ATP6V0A1: variants seen among roughly 807,000 people sequenced by gnomAD.
The protein encoded by ATP6V0A1 is ATPase H+ transporting V0 subunit a1, also known as V-type proton ATPase 116 kDa subunit a 1.
A neutral mutation model predicts 105.4 loss-of-function variants in ATP6V0A1; 43 were observed. The ratio of observed to expected loss-of-function variants is 0.41; its 90% CI spans 0.32 to 0.53. The LOEUF (loss-of-function observed/expected upper bound fraction) is 0.53. ATP6V0A1 is among the 20% of genes least tolerant of loss of function. The pLI is 0.30. For synonymous variants in ATP6V0A1, 362 were observed against 372.8 expected (o/e 0.97, Z 0.33); for missense variants, 676 against 1,051.1 (o/e 0.64, Z 4.93).
At chr17:42,515,153 G>A (rs755798287) in intron 21 of ATP6V0A1, among the ~76,000 whole-genome samples, 1 of 152,066 alleles carries the variant, frequency 6.6e-6, no homozygotes, top group Non-Finnish European at 1.5e-5. Flanking sequence ...TCAAACCAGC[G>A]TTGCCAGATG....
intron 5 of ATP6V0A1, among the ~76,000 whole-genome samples, chr17:42,473,897 T>C (rs976629487): frequency 7.2e-5 from 11 of 152,234 alleles, no homozygotes; most frequent in African/African-American, 2.7e-4. Context: ...TTAGGACTTT[T>C]ATTTTGTGAA....
In ATP6V0A1 at chr17:42,521,326, C is replaced by T. The variant is rs2092828303; in HGVS notation, c.*206C>T. On this transcript the variant is annotated 3_prime_UTR_variant, in exon 22 of 22. Transcript: ENST00000343619. The surrounding 1 kb of genome is among the most constrained non-coding windows in gnomAD (Gnocchi z 4.8). Reference sequence around the variant, plus strand: ...TAGTGTAGTGATTTTCTGGCTGTCACTCATACTCACTGGGCACCAGCCTTG... The same window carrying T: ...TAGTGTAGTGATTTTCTGGCTGTCATTCATACTCACTGGGCACCAGCCTTG... 2.5e-6 allele frequency: 1 copy of T among 395,714 alleles called. No individual in the cohort carries two copies. The highest frequency in any genetic ancestry group is 4.1e-5 in the East Asian group (1 of 24,580). 24.5% of individuals were successfully genotyped at this position (395,714 alleles called of 1,614,324 possible).
intron 11 of ATP6V0A1, among the ~76,000 whole-genome samples, chr17:42,493,603 T>C (rs2090876744): frequency 6.6e-6 from 1 of 152,066 alleles, no homozygotes; most frequent in South Asian, 2.1e-4. Flanking sequence ...CAGGACTAGC[T>C]TGGGCAAAAT....
chr17:42,509,606 TA>T (rs2092245191), intron 19 of ATP6V0A1, among the ~76,000 whole-genome samples: 1 of 152,236 alleles, frequency 6.6e-6, no homozygotes, highest in African/African-American at 2.4e-5. Flanking sequence ...CTGGCTGAGC[TA>T]CCTGGCAGGG....
At chr17:42,468,767 A>G (rs1019274496) in intron 4 of ATP6V0A1, among the ~76,000 whole-genome samples, 10 of 152,194 alleles carry the variant, frequency 6.6e-5, no homozygotes, top group Non-Finnish European at 1.5e-4. Flanking sequence ...GGTGACAAAC[A>G]GCACTCAAAC....
At chr17:42,472,710 C>T (rs1037498067) in intron 5 of ATP6V0A1, among the ~76,000 whole-genome samples, 1 of 151,876 alleles carries the variant, frequency 6.6e-6, no homozygotes, top group Non-Finnish European at 1.5e-5. Flanking sequence ...GGCGAAAGAG[C>T]GAGACTCCAT....
At position 42,480,732 on chromosome 17, in the gene ATP6V0A1, C is replaced by A. The variant is rs368543757; in HGVS notation, c.699C>A (p.Val233=). Residue 233 remains valine (V), a synonymous_variant, in exon 8 of 22, where the codon GTC becomes GTA. Coordinates refer to ENST00000343619, the MANE Select transcript of ATP6V0A1 (RefSeq NM_001130021.3). ...AAGGCGATCAGCTGAAAAACAGAGTCAAGAAAATCTGTGAAGGGTAAGAGA... is the reference window on the plus strand; with the variant it reads ...AAGGCGATCAGCTGAAAAACAGAGTAAAGAAAATCTGTGAAGGGTAAGAGA... ...FFQGDQLKNR[V]KKICEGFRAS... 3 of 1,613,580 alleles carry A rather than the reference C, an allele frequency of 1.9e-6. No individual in the cohort carries two copies. The African/African-American group carries it at 4.0e-5, about 22-fold the overall frequency.
intron 11 of ATP6V0A1, among the ~76,000 whole-genome samples, chr17:42,491,371 C>T (rs910938818): frequency 2.6e-5 from 4 of 152,152 alleles, no homozygotes; most frequent in Non-Finnish European, 4.4e-5. Context: ...AGTGCAGTGG[C>T]GTGATCTTGG....
intron 9 of ATP6V0A1, among the ~76,000 whole-genome samples, chr17:42,486,870 C>T (rs983444661): frequency 6.6e-6 from 1 of 152,094 alleles, no homozygotes; most frequent in African/African-American, 2.4e-5. Flanking sequence ...AAGGCAGTGA[C>T]CTACATTTGT....
rs1432127117 is a variant in ATP6V0A1, at chr17:42,460,869, T to C, written c.-26T>C. The C allele has an allele frequency of 6.5e-7, 1 of 1,548,070 alleles. No individual in the cohort carries two copies. Among genetic ancestry groups the C allele is most frequent in the Non-Finnish European group, 8.9e-7 (1 of 1,120,332 alleles). Reference sequence around the variant, plus strand: ...TCAGGTTGGAGAGAAATCCAGGTACTCACTAGACTGGTACCTTCTGCCACC... The same window carrying C: ...TCAGGTTGGAGAGAAATCCAGGTACCCACTAGACTGGTACCTTCTGCCACC... On this transcript the variant is annotated 5_prime_UTR_variant, in exon 2 of 22. Transcript: ENST00000343619.
At chr17:42,480,445 A>C (rs909540019) in intron 7 of ATP6V0A1, 4 of 414,078 alleles carry the variant, frequency 9.7e-6, no homozygotes, top group Non-Finnish European at 1.7e-5. Context: ...TGGTTGAGTC[A>C]AAAAAACAAA....
chr17:42,519,066 C>T (rs2092734999), intron 21 of ATP6V0A1: 2 of 152,516 alleles, frequency 1.3e-5, no homozygotes, highest in African/African-American at 4.8e-5. Context: ...TCTGGCCGCT[C>T]TAAGTCTCTA....
intron 21 of ATP6V0A1, chr17:42,520,409 A>C: frequency 6.6e-6 from 3 of 456,380 alleles, no homozygotes; most frequent in Non-Finnish European, 8.8e-6. Flanking sequence ...ACTGCTGGGA[A>C]GGGAGCTCAG....
intron 14 of ATP6V0A1, among the ~76,000 whole-genome samples, chr17:42,497,891 C>T (rs1442690705): frequency 6.9e-6 from 1 of 145,156 alleles, no homozygotes; most frequent in Non-Finnish European, 1.5e-5. Flanking sequence ...GAGATTTCAC[C>T]ACTGCACTCC....
chr17:42,515,611 C>T (rs748131751), intron 21 of ATP6V0A1, among the ~76,000 whole-genome samples: 26 of 152,010 alleles, frequency 1.7e-4, no homozygotes, highest in Non-Finnish European at 2.6e-4. Flanking sequence ...CATGGAGAAA[C>T]GCTGTCTCTA....
In ATP6V0A1 at chr17:42,498,953, G is replaced by A. The variant is rs112978072; in HGVS notation, c.1590G>A (p.Thr530=). 1,296 of 1,612,856 alleles carry A rather than the reference G, an allele frequency of 8.0e-4. 17 individuals are homozygous for A. In the African/African-American group the frequency reaches 0.015, roughly 18 times the overall value. ...PIWNIATNKL[T]FLNSFKMKMS... ...GGAACATTGCTACCAATAAACTGAC[G>A]TTCTTGAACTCCTTTAAGATGAAGA... Residue 530 remains threonine, a synonymous_variant, in exon 15 of 22, where the codon ACG becomes ACA. Coordinates refer to ENST00000343619, the MANE Select transcript of ATP6V0A1 (RefSeq NM_001130021.3).
At position 42,494,916 on chromosome 17, in the gene ATP6V0A1, C is replaced by G. The variant is rs2091015105; in HGVS notation, c.1315-118C>G. On this transcript the variant is annotated intron_variant, in intron 12 of 21. Transcript: ENST00000343619. Reference sequence around the variant, plus strand: ...TATTTTGGTTTTTACTTCAAGCTCTCTGAATCAGGATGGGGTAAAGTAGTG... The same window carrying G: ...TATTTTGGTTTTTACTTCAAGCTCTGTGAATCAGGATGGGGTAAAGTAGTG... 4.4e-6 allele frequency: 5 copies of G among 1,137,870 alleles called. No homozygotes were observed. The South Asian group carries it at 7.2e-5, about 16-fold the overall frequency. 70.5% of individuals were successfully genotyped at this position (1,137,870 alleles called of 1,614,324 possible).
intron 8 of ATP6V0A1, 109 bp from the exon 9 acceptor site, chr17:42,482,929 T>C: frequency 2.7e-6 from 1 of 375,156 alleles, no homozygotes; most frequent in South Asian, 1.1e-4. Flanking sequence ...GTTGACTTAA[T>C]ACATCGGTCT....
At chr17:42,478,825 A>G in intron 7 of ATP6V0A1, 1 of 239,144 alleles carries the variant, frequency 4.2e-6, no homozygotes, top group Non-Finnish European at 7.6e-6. Flanking sequence ...TGTAGATGTT[A>G]TTCTGATTGG....
Sources: gnomAD v4.1 joint callset for allele counts (sites outside exome capture counted in the v4.1 genomes callset) on GRCh38, gnomAD v4.1.1 for gene constraint, Gnocchi (gnomAD v3.1) non-coding constraint, MANE v1.5 for transcripts, NCBI Gene and HGNC (gene_info 2026-07-23, HGNC 2026-07-21) for gene names.